Variants in AFF2 observed in about 807,000 individuals in gnomAD.
The protein encoded by AFF2 is ALF transcription elongation factor 2.
Under a neutral mutation model 76.9 loss-of-function variants are expected in AFF2, and 14 were observed. The ratio of observed to expected loss-of-function variants is 0.18; its 90% CI spans 0.12 to 0.28. The LOEUF (loss-of-function observed/expected upper bound fraction) is 0.28. AFF2 is among the 10% of genes least tolerant of loss of function. The probability of loss-of-function intolerance (pLI) is 1.00; values close to 1 mark genes in which losing one functional copy is unlikely to be tolerated. For synonymous variants in AFF2, 398 were observed against 366.7 expected (o/e 1.09, Z -0.98); for missense variants, 868 against 1,001.1 (o/e 0.87, Z 1.79).
At chrX:148,512,629 A>G (rs1168186216) in intron 1 of AFF2, among the ~76,000 whole-genome samples, 1 of 112,608 alleles carries the variant, frequency 8.9e-6, no homozygotes, top group African/African-American at 3.2e-5. Flanking sequence ...ATTTTACCCA[A>G]CAGCTACGCA....
At chrX:148,954,407 C>T (rs782400232) in intron 10 of AFF2, among the ~76,000 whole-genome samples, 84 of 111,488 alleles carry the variant, frequency 7.5e-4, no homozygotes, top group African/African-American at 2.6e-3. Flanking sequence ...ACCCCCGGCT[C>T]TTCATACACT....
At chrX:148,877,994 T>A (rs764536) in intron 7 of AFF2, among the ~76,000 whole-genome samples, 1 of 110,383 alleles carries the variant, frequency 9.1e-6, no homozygotes, top group East Asian at 2.9e-4. Flanking sequence ...ACAGGGGTTT[T>A]TTATATCTAA....
chrX:148,548,362 T>C (rs1256460119), intron 1 of AFF2, among the ~76,000 whole-genome samples: 1 of 112,345 alleles, frequency 8.9e-6, no homozygotes, highest in South Asian at 3.7e-4. Context: ...CACTGGGGCT[T>C]TCTGTAACTG....
At chrX:148,528,000 C>G (rs1042570928) in intron 1 of AFF2, among the ~76,000 whole-genome samples, 20 of 112,016 alleles carry the variant, frequency 1.8e-4, no homozygotes, top group African/African-American at 6.5e-4. Context: ...CTCCAATGAC[C>G]ATTTGCCTTT....
chrX:148,929,741 T>C (rs1335163439), intron 9 of AFF2, among the ~76,000 whole-genome samples: 2 of 111,881 alleles, frequency 1.8e-5, no homozygotes, highest in African/African-American at 6.5e-5. Context: ...TCTTGGCTTA[T>C]AAAAACCAAA....
chrX:148,692,609 A>T (rs2054665186), intron 3 of AFF2, among the ~76,000 whole-genome samples: 1 of 112,275 alleles, frequency 8.9e-6, no homozygotes, highest in Non-Finnish European at 1.9e-5. Context: ...TGTACTATTC[A>T]TTTCTGGCAA....
intron 3 of AFF2, among the ~76,000 whole-genome samples, chrX:148,723,221 C>T (rs1453083422): frequency 7.1e-5 from 8 of 112,043 alleles, no homozygotes; most frequent in African/African-American, 2.6e-4. Context: ...AGGTAGCAGG[C>T]TAGCCAACCT....
intron 1 of AFF2, among the ~76,000 whole-genome samples, chrX:148,550,194 C>G (rs1433777669): frequency 1.8e-5 from 2 of 112,005 alleles, no homozygotes; most frequent in Non-Finnish European, 3.8e-5. Flanking sequence ...TTTCAAGAAT[C>G]AGGGCCTTTG....
intron 3 of AFF2, among the ~76,000 whole-genome samples, chrX:148,798,157 G>GGA (rs1305244772): frequency 7.3e-5 from 8 of 109,861 alleles, no homozygotes; most frequent in African/African-American, 9.9e-5. Context: ...TGGAGGTTGG[G>GGA]GAGAGAGAGA....
chrX:148,796,762 T>C (rs1390279990), intron 3 of AFF2, among the ~76,000 whole-genome samples: 1 of 112,175 alleles, frequency 8.9e-6, no homozygotes, highest in Non-Finnish European at 1.9e-5. Context: ...GGAACAATTA[T>C]GTTTTTTTCT....
At chrX:148,870,953 G>A (rs1005070671) in intron 7 of AFF2, among the ~76,000 whole-genome samples, 1 of 111,192 alleles carries the variant, frequency 9.0e-6, no homozygotes, top group African/African-American at 3.3e-5. Flanking sequence ...GGCAGTGGGG[G>A]AGACAGCAAC....
At chrX:148,742,580 C>T (rs1320328766) in intron 3 of AFF2, among the ~76,000 whole-genome samples, 1 of 93,387 alleles carries the variant, frequency 1.1e-5, no homozygotes, top group African/African-American at 4.0e-5. Context: ...AGTCAGAATC[C>T]ATTGAACTTC....
chrX:148,815,531 A>G (rs1053180147), intron 4 of AFF2, among the ~76,000 whole-genome samples: 25 of 112,055 alleles, frequency 2.2e-4, no homozygotes, highest in Non-Finnish European at 4.3e-4. Context: ...TGCTAAATTT[A>G]ATTATAACAA....
chrX:148,933,201 A>G (rs1193392343), intron 9 of AFF2, among the ~76,000 whole-genome samples: 1 of 111,996 alleles, frequency 8.9e-6, no homozygotes, highest in Non-Finnish European at 1.9e-5. Flanking sequence ...AAAGGCCTTG[A>G]GGCAAGAGTA....
chrX:148,988,973 T>C (rs906482717), intron 20 of AFF2, among the ~76,000 whole-genome samples: 17 of 112,649 alleles, frequency 1.5e-4, no homozygotes, highest in Non-Finnish European at 9.4e-5. Flanking sequence ...TTCCAGAGTC[T>C]CATTTCTTAA....
intron 1 of AFF2, among the ~76,000 whole-genome samples, chrX:148,615,777 T>C (rs2053792545): frequency 9.0e-6 from 1 of 111,319 alleles, no homozygotes. Context: ...TTTAAAAATA[T>C]CCATCACAGC....
At chrX:148,901,709 T>G (rs1352895213) in intron 8 of AFF2, among the ~76,000 whole-genome samples, 2 of 112,277 alleles carry the variant, frequency 1.8e-5, no homozygotes, top group East Asian at 5.6e-4. Context: ...ATAATTCACT[T>G]AAAATTTTTT....
intron 1 of AFF2, among the ~76,000 whole-genome samples, chrX:148,524,393 C>T (rs1229715652): frequency 4.5e-5 from 5 of 110,908 alleles, no homozygotes; most frequent in Non-Finnish European, 1.9e-5. Flanking sequence ...TTCTTCATTG[C>T]CTTTCAGATA....
chrX:148,742,140 A>G (rs887547817), intron 3 of AFF2, among the ~76,000 whole-genome samples: 2 of 111,824 alleles, frequency 1.8e-5, no homozygotes, highest in Admixed American at 9.5e-5. Context: ...TGGAGCTGCA[A>G]TCTAGTCCTG....
Sources: gnomAD v4.1 joint callset for allele counts (sites outside exome capture counted in the v4.1 genomes callset) on GRCh38, gnomAD v4.1.1 for gene constraint, MANE v1.5 for transcripts, NCBI Gene and HGNC (gene_info 2026-07-23, HGNC 2026-07-21) for gene names.